Variants in SUCLG1 observed in about 807,000 individuals in gnomAD.
SUCLG1 encodes succinate--CoA ligase [ADP/GDP-forming] subunit alpha, mitochondrial.
SUCLG1 carries 26 observed loss-of-function variants against 37.3 expected under a neutral mutation model. That is an observed-to-expected ratio of 0.70 (90% CI 0.51 to 0.97). The LOEUF (loss-of-function observed/expected upper bound fraction) is 0.97, where lower values mean the gene tolerates loss of function less well. Among genes scored for constraint, SUCLG1 ranks in the 50% least tolerant of loss-of-function variants. SUCLG1 has a pLI of 0.00. For missense variants in SUCLG1, 433 were observed against 432.9 expected (o/e 1.00, Z 0.00); for synonymous variants, 163 against 155.6 (o/e 1.05, Z -0.36).
At chr2:84,453,667 T>G (rs1372440080) in intron 1 of SUCLG1, among the ~76,000 whole-genome samples, 1 of 152,208 alleles carries the variant, frequency 6.6e-6, no homozygotes, top group Non-Finnish European at 1.5e-5. Context: ...TCCGCCTGCC[T>G]TGGCCTCCCA....
At chr2:84,451,732 G>A (rs568670378) in intron 1 of SUCLG1, among the ~76,000 whole-genome samples, 1 of 152,132 alleles carries the variant, frequency 6.6e-6, no homozygotes, top group Admixed American at 6.5e-5. Flanking sequence ...CAATGCCCCT[G>A]AGAGCCTGCA....
intron 3 of SUCLG1, 84 bp downstream of exon 3, chr2:84,443,200 A>G: frequency 8.0e-7 from 1 of 1,248,972 alleles, no homozygotes; most frequent in Non-Finnish European, 1.2e-6. Context: ...TCTACCAAAA[A>G]AACATAATTA....
At chr2:84,435,026 C>T (rs1343589138) in intron 5 of SUCLG1, among the ~76,000 whole-genome samples, 2 of 152,204 alleles carry the variant, frequency 1.3e-5, no homozygotes, top group African/African-American at 2.4e-5. Context: ...AAATCCTCGA[C>T]GATGCCTCAC....
chr2:84,435,669 T>A (rs1417999705), intron 5 of SUCLG1, among the ~76,000 whole-genome samples: 1 of 152,232 alleles, frequency 6.6e-6, no homozygotes, highest in Non-Finnish European at 1.5e-5. Context: ...TATACTAGCA[T>A]GTACAACTAC....
In SUCLG1 at chr2:84,431,621, C is replaced by G. The variant is rs1672615889; in HGVS notation, c.712G>C (p.Asp238His). 1.2e-6 allele frequency: 2 copies of G among 1,613,694 alleles called. No homozygotes were observed. The highest frequency in any genetic ancestry group is 1.3e-5 in the African/African-American group (1 of 74,838). Residue 238 changes from aspartate (D) to histidine (H), a missense_variant, in exon 7 of 9, where the codon GAC (aspartate) becomes CAC (histidine). Physicochemically the swap from Asp to His is moderately conservative, Grantham distance 81. Transcript: ENST00000393868. ...GDPFNGTDFI[D>H]CLEIFLNDSA... The stretch of plus-strand genomic sequence containing the variant: ...TCGTTCAAAAAGATTTCGAGGCAGT[C>G]AATAAAATCTGTTCCATTAAAAGGA...
chr2:84,425,308 A>T, intron 8 of SUCLG1, 107 bp downstream of exon 8: 2 of 1,370,702 alleles, frequency 1.5e-6, no homozygotes, highest in Non-Finnish European at 2.1e-6. Context: ...ACATCAGAAA[A>T]CCAATTAAGT....
intron 3 of SUCLG1, among the ~76,000 whole-genome samples, chr2:84,442,715 C>A (rs563329441): frequency 2.0e-5 from 3 of 152,102 alleles, no homozygotes; most frequent in Admixed American, 1.3e-4. Context: ...CAGCAGTTTG[C>A]GGAGAATCTA....
chr2:84,428,852 C>A (rs1672574369), intron 7 of SUCLG1, among the ~76,000 whole-genome samples: 1 of 152,180 alleles, frequency 6.6e-6, no homozygotes, highest in South Asian at 2.1e-4. Context: ...CAATCTGACA[C>A]CTCATCCTTC....
chr2:84,434,128 A>G (rs1051236110), intron 5 of SUCLG1, among the ~76,000 whole-genome samples: 4 of 152,204 alleles, frequency 2.6e-5, no homozygotes, highest in African/African-American at 9.7e-5. Flanking sequence ...ATGCATGTAT[A>G]GCCTGCAGAA....
intron 8 of SUCLG1, among the ~76,000 whole-genome samples, chr2:84,424,835 A>G (rs929881590): frequency 6.6e-6 from 1 of 152,192 alleles, no homozygotes; most frequent in Non-Finnish European, 1.5e-5. Flanking sequence ...ATGTCCTATT[A>G]AAAAAGGAAA....
chr2:84,453,920 T>G (rs1469155360), intron 1 of SUCLG1, among the ~76,000 whole-genome samples: 3 of 152,234 alleles, frequency 2.0e-5, no homozygotes, highest in Non-Finnish European at 4.4e-5. Flanking sequence ...AGGCCTGGTC[T>G]TGAGTTTATG....
chr2:84,432,273 C>T (rs927024745), intron 6 of SUCLG1: 2 of 152,282 alleles, frequency 1.3e-5, no homozygotes, highest in African/African-American at 4.8e-5. Flanking sequence ...GTAAATGTTC[C>T]CTACAGACAG....
chr2:84,432,383 G>A (rs1357156709), intron 6 of SUCLG1: 3 of 152,310 alleles, frequency 2.0e-5, no homozygotes, highest in Non-Finnish European at 2.9e-5. Context: ...GAAGAGAACC[G>A]GCATTTATTA....
chr2:84,439,230 A>G (rs1672733429), intron 5 of SUCLG1, among the ~76,000 whole-genome samples: 1 of 151,882 alleles, frequency 6.6e-6, no homozygotes, highest in Non-Finnish European at 1.5e-5. Context: ...AATTAAAAGC[A>G]GTCTCCCAGA....
intron 2 of SUCLG1, among the ~76,000 whole-genome samples, chr2:84,444,779 C>T (rs1672825145): frequency 6.6e-6 from 1 of 152,148 alleles, no homozygotes; most frequent in African/African-American, 2.4e-5. Context: ...AGAGGCCTAC[C>T]CTCAGGGATG....
intron 3 of SUCLG1, among the ~76,000 whole-genome samples, chr2:84,441,667 T>G (rs899174791): frequency 1.3e-5 from 2 of 152,292 alleles, no homozygotes; most frequent in Middle Eastern, 6.8e-3. Context: ...AATGCCACTG[T>G]GAATTGAAAG....
chr2:84,452,853 G>A (rs1449891774), intron 1 of SUCLG1, among the ~76,000 whole-genome samples: 1 of 152,044 alleles, frequency 6.6e-6, no homozygotes, highest in Admixed American at 6.5e-5. Context: ...CAAGAAACAG[G>A]GTCTCCAAAA....
At chr2:84,448,992 G>T in intron 2 of SUCLG1, 1 of 374,002 alleles carries the variant, frequency 2.7e-6, no homozygotes. Flanking sequence ...ATTCTTATGT[G>T]GCATTTTATT....
chr2:84,428,092 A>C (rs1672561005), intron 7 of SUCLG1, among the ~76,000 whole-genome samples: 1 of 152,270 alleles, frequency 6.6e-6, no homozygotes, highest in Admixed American at 6.5e-5. Context: ...ATCTTCCAGT[A>C]ACCCCAGAAT....
Sources: allele counts gnomAD v4.1 joint callset (sites outside exome capture counted in the v4.1 genomes callset), GRCh38; gene constraint gnomAD v4.1.1; transcripts MANE v1.5; gene names NCBI Gene and HGNC (gene_info 2026-07-23, HGNC 2026-07-21).